TENM1: variants seen among roughly 807,000 people sequenced by gnomAD.
The protein encoded by TENM1 is teneurin-1.
A neutral mutation model predicts 174.8 loss-of-function variants in TENM1; 35 were observed. That is an observed-to-expected ratio of 0.20 (90% confidence interval 0.15 to 0.27). TENM1 has a LOEUF of 0.27. TENM1 is among the 10% of genes least tolerant of loss of function. The pLI is 1.00. For missense variants in TENM1, 1,633 were observed against 2,130.1 expected, an observed-to-expected ratio of 0.77 and a Z score of 4.59; for synonymous variants, 781 against 798.7, an observed-to-expected ratio of 0.98 and a Z score of 0.37.
At chrX:125,194,296 A>G in the TENM1 span, among the ~76,000 whole-genome samples, 116 of 111,019 alleles carry the variant, frequency 1.0e-3, 1 homozygote, top group African/African-American at 3.6e-3. Flanking sequence ...AATTAAATCA[A>G]TTTCCGAGAA....
At chrX:125,020,881 G>A in the TENM1 span, among the ~76,000 whole-genome samples, 1 of 111,303 alleles carries the variant, frequency 9.0e-6, no homozygotes, top group Non-Finnish European at 1.9e-5. Flanking sequence ...GCCCTAAAAT[G>A]GATATAGTCT....
intron 11 of TENM1, among the ~76,000 whole-genome samples, chrX:124,621,164 T>A (rs1475876531): frequency 8.9e-6 from 1 of 111,893 alleles, no homozygotes; most frequent in Non-Finnish European, 1.9e-5. Flanking sequence ...TGCATAAACA[T>A]AATGAGATAT....
At chrX:124,402,250 TAA>T (rs1223720965) in intron 27 of TENM1, among the ~76,000 whole-genome samples, 1 of 112,200 alleles carries the variant, frequency 8.9e-6, no homozygotes, top group Non-Finnish European at 1.9e-5. Flanking sequence ...TAAACATATG[TAA>T]ATGATTGTTA....
At chrX:124,777,514 A>G (rs1333042904) in intron 3 of TENM1, among the ~76,000 whole-genome samples, 2 of 111,823 alleles carry the variant, frequency 1.8e-5, no homozygotes, top group African/African-American at 6.5e-5. Context: ...TGGTAAAGTC[A>G]CCACTCATCA....
chrX:125,193,663 C>T, the TENM1 span, among the ~76,000 whole-genome samples: 9 of 111,469 alleles, frequency 8.1e-5, no homozygotes, highest in Admixed American at 6.7e-4. Flanking sequence ...ACCTGGTCCC[C>T]ACAGATATCA....
At chrX:124,739,527 A>G (rs1257087530) in intron 3 of TENM1, among the ~76,000 whole-genome samples, 1 of 111,696 alleles carries the variant, frequency 9.0e-6, no homozygotes, top group African/African-American at 3.3e-5. Flanking sequence ...ACATTTTAAC[A>G]GATAGACTGA....
chrX:124,487,465 C>T (rs899651942), intron 20 of TENM1, among the ~76,000 whole-genome samples: 1 of 112,068 alleles, frequency 8.9e-6, no homozygotes, highest in African/African-American at 3.2e-5. Context: ...GGTGGATGCG[C>T]AAAGTTCTAA....
At position 124,743,640 on chromosome X, in the gene TENM1, T is replaced by C. The variant is rs770156109; in HGVS notation, c.536-6443A>G. 1.1e-3 allele frequency among the ~76,000 whole-genome samples: 120 copies of C among 112,023 alleles called. 1 individual carries two copies. The highest frequency in any genetic ancestry group is 3.7e-3 in the African/African-American group (115 of 30,915). On this transcript the variant is annotated intron_variant, in intron 3 of 31. Coordinates refer to ENST00000422452, the Ensembl canonical transcript of TENM1. ...TTCCACAGCCCTGGATACTATTTAC[T>C]GTTTTTCGGATTGTCAAGTACATCC...
At chrX:124,935,192 C>T (rs1024879946) in intron 1 of TENM1, among the ~76,000 whole-genome samples, 3 of 106,362 alleles carry the variant, frequency 2.8e-5, no homozygotes, top group African/African-American at 1.0e-4. Context: ...AGCTAAGTGG[C>T]TATACTAGAT....
At chrX:124,742,906 T>C (rs765537714) in intron 3 of TENM1, among the ~76,000 whole-genome samples, 3 of 111,206 alleles carry the variant, frequency 2.7e-5, no homozygotes, top group African/African-American at 9.8e-5. Flanking sequence ...GTTCCTGAGG[T>C]TGCTTTTCTG....
intron 4 of TENM1, among the ~76,000 whole-genome samples, chrX:124,710,595 T>C (rs1306878899): frequency 1.8e-5 from 2 of 112,049 alleles, no homozygotes; most frequent in Admixed American, 9.5e-5. Context: ...GATTTCCAAA[T>C]GCAGTTTCAT....
At chrX:124,724,587 G>A (rs1245735370) in intron 4 of TENM1, among the ~76,000 whole-genome samples, 1 of 111,418 alleles carries the variant, frequency 9.0e-6, no homozygotes, top group Non-Finnish European at 1.9e-5. Flanking sequence ...CTTGAGTTCA[G>A]GAGTTCCAGA....
the TENM1 span, among the ~76,000 whole-genome samples, chrX:125,059,182 A>T: frequency 9.0e-6 from 1 of 110,778 alleles, no homozygotes; most frequent in Non-Finnish European, 1.9e-5. Flanking sequence ...CAATCAGAAG[A>T]AGTAGGACCT....
intron 19 of TENM1, among the ~76,000 whole-genome samples, chrX:124,503,071 G>A (rs975744723): frequency 9.0e-6 from 1 of 111,521 alleles, no homozygotes; most frequent in Non-Finnish European, 1.9e-5. Context: ...ATAACCCAAT[G>A]TACATGTCCT....
exon 32 of TENM1, chrX:124,378,614 A>T (rs1439877982): frequency 5.3e-5 from 6 of 112,174 alleles, no homozygotes; most frequent in African/African-American, 2.0e-4. Context: ...AGTTATAAAG[A>T]GAGATGAGTT....
chrX:124,437,425 C>T (rs1183473767), intron 23 of TENM1, among the ~76,000 whole-genome samples: 1 of 110,986 alleles, frequency 9.0e-6, no homozygotes, highest in Non-Finnish European at 1.9e-5. Flanking sequence ...ATCCACTGTG[C>T]TTGGATGTTA....
chrX:124,570,707 A>C (rs1402341064), intron 11 of TENM1, among the ~76,000 whole-genome samples: 1 of 112,021 alleles, frequency 8.9e-6, no homozygotes, highest in Non-Finnish European at 1.9e-5. Context: ...GGAAATTTTA[A>C]GTTAACTTGT....
At chrX:124,637,716 T>C (rs1487103938) in intron 11 of TENM1, among the ~76,000 whole-genome samples, 2 of 111,862 alleles carry the variant, frequency 1.8e-5, no homozygotes, top group East Asian at 5.6e-4. Flanking sequence ...TATTAAAGAC[T>C]CTTTGCACAT....
At chrX:124,821,343 C>T (rs182253485) in intron 3 of TENM1, among the ~76,000 whole-genome samples, 150 of 111,693 alleles carry the variant, frequency 1.3e-3, no homozygotes, top group African/African-American at 4.5e-3. Context: ...CACTCAAAAT[C>T]CCCAATTGGT....
Sources: allele counts gnomAD v4.1 joint callset (sites outside exome capture counted in the v4.1 genomes callset), GRCh38; gene constraint gnomAD v4.1.1; transcripts MANE v1.5; gene names NCBI Gene and HGNC (gene_info 2026-07-23, HGNC 2026-07-21).